The following PTPRM variants were observed in gnomAD, a reference collection of about 807,000 sequenced individuals.
PTPRM encodes the protein protein tyrosine phosphatase receptor type M.
In PTPRM, 47 loss-of-function variants were observed where a neutral mutation model predicts 186.7. The observed-to-expected ratio is 0.25, with a 90% confidence interval of 0.20 to 0.32. The LOEUF is 0.32. Among genes scored for constraint, PTPRM ranks in the 10% least tolerant of loss-of-function variants. The pLI is 1.00. For synonymous variants in PTPRM, 668 were observed against 674.9 expected (o/e 0.99, Z 0.16); for missense variants, 1,494 against 1,865.0 (o/e 0.80, Z 3.66).
In PTPRM at chr18:7,596,285, A is replaced by G. The variant is rs145434509; in HGVS notation, c.73+28394A>G. Among the ~76,000 whole-genome samples, 272 of 152,306 alleles carry G rather than the reference A, an allele frequency of 1.8e-3. 1 individual carries two copies. The highest frequency in any genetic ancestry group is 6.3e-3 in the African/African-American group (262 of 41,582). On this transcript the variant is annotated intron_variant, in intron 1 of 32. Coordinates refer to ENST00000580170, the MANE Select transcript of PTPRM (RefSeq NM_001105244.2). ...GATCCTCTGGACATAGGGAGGAGTC[A>G]TGTCCTGGGTGGGACTGAGTGAGAT...
At chr18:8,100,699 A>G (rs1313863039) in intron 11 of PTPRM, among the ~76,000 whole-genome samples, 1 of 152,216 alleles carries the variant, frequency 6.6e-6, no homozygotes, top group African/African-American at 2.4e-5. Flanking sequence ...CAAGTATACT[A>G]CTTGCCTGTC....
Position 8,076,548 on chromosome 18 carries a change from T to C in PTPRM, c.1535T>C (p.Val512Ala). 1 of 1,557,806 alleles carries C rather than the reference T, an allele frequency of 6.4e-7. No individual in the cohort carries two copies. Among genetic ancestry groups the C allele is most frequent in the Non-Finnish European group, 8.8e-7 (1 of 1,130,490 alleles). ...AGAGAACCAACTCAAACATATGGTG[T>C]AATCACTTTATATGAGGTAATATAT... is the stretch of plus-strand genomic sequence containing the variant. ...QWREPTQTYG[V>A]ITLYEITYKA... is the part of the protein sequence containing the mutation. The change falls in exon 9 of 33, where the codon GTA (valine) becomes GCA (alanine). Residue 512 changes from valine (V) to alanine (A), a missense_variant. Coordinates refer to ENST00000580170, the MANE Select transcript of PTPRM (RefSeq NM_001105244.2).
intron 2 of PTPRM, among the ~76,000 whole-genome samples, chr18:7,865,937 A>T (rs1285591407): frequency 6.6e-6 from 1 of 152,134 alleles, no homozygotes; most frequent in African/African-American, 2.4e-5. Context: ...CCAGTAATTT[A>T]TCCATTTCTT....
intron 2 of PTPRM, among the ~76,000 whole-genome samples, chr18:7,886,977 G>A (rs978139493): frequency 2.6e-5 from 4 of 152,152 alleles, no homozygotes; most frequent in Non-Finnish European, 5.9e-5. Context: ...TTCTAGTACC[G>A]TGTATGTGTG....
At chr18:8,232,418 G>A (rs767882860) in intron 14 of PTPRM, among the ~76,000 whole-genome samples, 3 of 152,220 alleles carry the variant, frequency 2.0e-5, no homozygotes, top group Non-Finnish European at 2.9e-5. Context: ...ACATCTCTAT[G>A]GAGGTTTTGT....
chr18:7,641,156 G>A (rs918610403), intron 1 of PTPRM, among the ~76,000 whole-genome samples: 4 of 152,142 alleles, frequency 2.6e-5, no homozygotes, highest in African/African-American at 9.7e-5. Flanking sequence ...ACTTGGAGCT[G>A]CTGAAAGGTC....
At chr18:7,763,002 A>G (rs959785133) in intron 1 of PTPRM, among the ~76,000 whole-genome samples, 7 of 152,146 alleles carry the variant, frequency 4.6e-5, no homozygotes, top group Non-Finnish European at 8.8e-5. Context: ...GGACTCATAC[A>G]TTCTATAGGG....
intron 13 of PTPRM, among the ~76,000 whole-genome samples, chr18:8,126,008 TATATATATATATATA>T (rs1296247283): frequency 0.026 from 591 of 22,508 alleles, 55 homozygotes; most frequent in Non-Finnish European, 0.049. Flanking sequence ...TATATATATA[TATATATATATATATA>T]TATATTTTAA....
intron 14 of PTPRM, among the ~76,000 whole-genome samples, chr18:8,227,422 G>A (rs534510857): frequency 2.0e-5 from 3 of 152,168 alleles, no homozygotes; most frequent in Non-Finnish European, 4.4e-5. Flanking sequence ...ACTTGGAATA[G>A]AAAGGTTTTT....
chr18:8,067,164 A>C (rs2148418270), intron 7 of PTPRM, among the ~76,000 whole-genome samples: 1 of 152,322 alleles, frequency 6.6e-6, no homozygotes, highest in South Asian at 2.1e-4. Flanking sequence ...ACCTTAGGAA[A>C]ATGCGTTAGA....
chr18:7,610,306 A>G (rs939795855), intron 1 of PTPRM, among the ~76,000 whole-genome samples: 1 of 152,102 alleles, frequency 6.6e-6, no homozygotes, highest in African/African-American at 2.4e-5. Flanking sequence ...ATTTCACGTA[A>G]TTTTTAAACT....
intron 4 of PTPRM, among the ~76,000 whole-genome samples, chr18:7,922,168 A>G (rs776850651): frequency 6.6e-6 from 1 of 152,110 alleles, no homozygotes; most frequent in Non-Finnish European, 1.5e-5. Context: ...CTTTCCCTGA[A>G]TTTGAGAGGT....
chr18:8,053,897 CTTG>C (rs1382529467), intron 7 of PTPRM, among the ~76,000 whole-genome samples: 1 of 151,862 alleles, frequency 6.6e-6, no homozygotes, highest in Admixed American at 6.6e-5. Flanking sequence ...ATCATTTGAT[CTTG>C]TTGTAAATGA....
rs150034563 is a variant in PTPRM at position 8,363,498 on chromosome 18, G to A, written c.3055-7392G>A. On this transcript the variant is annotated intron_variant, in intron 23 of 32. Coordinates refer to ENST00000580170, the MANE Select transcript of PTPRM (RefSeq NM_001105244.2). ...AAATGTCCTCTCTGATGTACCTGGCGGCATATATATGTATTCTAATAATGT... is the reference window on the plus strand; with the variant it reads ...AAATGTCCTCTCTGATGTACCTGGCAGCATATATATGTATTCTAATAATGT... 3.7e-3 allele frequency among the ~76,000 whole-genome samples: 559 copies of A among 152,172 alleles called. 1 individual carries two copies. Among genetic ancestry groups the A allele is most frequent in the African/African-American group, 0.013 (533 of 41,504 alleles).
intron 7 of PTPRM, among the ~76,000 whole-genome samples, chr18:8,018,448 G>A (rs1428420057): frequency 1.3e-5 from 2 of 152,154 alleles, no homozygotes; most frequent in Admixed American, 6.5e-5. Flanking sequence ...CAGAGCATTC[G>A]ATTTATCCTC....
chr18:8,163,233 G>C (rs117946024), intron 14 of PTPRM, among the ~76,000 whole-genome samples: 1 of 152,250 alleles, frequency 6.6e-6, no homozygotes, highest in Non-Finnish European at 1.5e-5. Context: ...CTATTCATTT[G>C]AATCTCCAAA....
chr18:7,735,387 C>T (rs1469540861), intron 1 of PTPRM, among the ~76,000 whole-genome samples: 2 of 152,130 alleles, frequency 1.3e-5, no homozygotes, highest in Non-Finnish European at 2.9e-5. Context: ...TGTGCCACTG[C>T]ATTCCAGCCT....
In PTPRM at chr18:8,199,275, A is replaced by T. The variant is rs142625603; in HGVS notation, c.2301-44783A>T. Among the ~76,000 whole-genome samples, 18 of 152,298 alleles carry T rather than the reference A, an allele frequency of 1.2e-4. No individual in the cohort carries two copies. In the East Asian group the frequency reaches 3.5e-3, roughly 29 times the overall value. On this transcript the variant is annotated intron_variant, in intron 14 of 32. Coordinates refer to ENST00000580170, the MANE Select transcript of PTPRM (RefSeq NM_001105244.2). ...GGAAACTGAAGTGTGGAGTTTAAGT[A>T]ACTGGCCCAAGGTAACAGATGCAGT...
At chr18:7,581,778 A>T (rs1390154903) in intron 1 of PTPRM, among the ~76,000 whole-genome samples, 1 of 151,482 alleles carries the variant, frequency 6.6e-6, no homozygotes, top group Non-Finnish European at 1.5e-5. Flanking sequence ...CAGCCTCCAG[A>T]GTAGCTGGGA....
Sources: gnomAD v4.1 joint callset for allele counts (sites outside exome capture counted in the v4.1 genomes callset) on GRCh38, gnomAD v4.1.1 for gene constraint, MANE v1.5 for transcripts, NCBI Gene and HGNC (gene_info 2026-07-23, HGNC 2026-07-21) for gene names.